The following SMARCC1 variants were observed in gnomAD, a reference collection of about 807,000 sequenced individuals.
SMARCC1 encodes the protein SWI/SNF related BAF chromatin remodeling complex subunit C1.
In SMARCC1, 43 loss-of-function variants were observed where a neutral mutation model predicts 147.4. The observed-to-expected ratio is 0.29, with a 90% confidence interval of 0.23 to 0.38. The LOEUF is 0.38. Among genes scored for constraint, SMARCC1 ranks in the 10% least tolerant of loss-of-function variants. The pLI, the probability that SMARCC1 is intolerant of heterozygous loss-of-function variation, is 1.00. For synonymous variants in SMARCC1, 495 were observed against 484.4 expected, an observed-to-expected ratio of 1.02 and a Z score of -0.29; for missense variants, 1,119 against 1,381.1, an observed-to-expected ratio of 0.81 and a Z score of 3.01.
chr3:47,635,935 G>A, intron 23 of SMARCC1, 87 bp downstream of exon 23: 1 of 689,552 alleles, frequency 1.5e-6, no homozygotes, highest in Non-Finnish European at 2.5e-6. Context: ...AAATAAATGA[G>A]GAAATATTTC....
At chr3:47,740,178 CTTTTTTTTTTTTTTT>C (rs34523367) in intron 3 of SMARCC1, among the ~76,000 whole-genome samples, 802 of 35,784 alleles carry the variant, frequency 0.022, 32 homozygotes, top group South Asian at 0.13. Context: ...GCCCGGCCAT[CTTTTTTTTTTTTTTT>C]TTTTTTTTTT....
chr3:47,778,217 C>T (rs796109558), intron 1 of SMARCC1, among the ~76,000 whole-genome samples: 1 of 127,938 alleles, frequency 7.8e-6, no homozygotes. Flanking sequence ...AAACAAAAAA[C>T]AAAAAAAACA....
chr3:47,640,253 T>C (rs879312077), intron 21 of SMARCC1, among the ~76,000 whole-genome samples: 9 of 150,082 alleles, frequency 6.0e-5, no homozygotes, highest in Admixed American at 2.0e-4. Context: ...AAAAAGAAAA[T>C]AGAAAAAAAA....
At chr3:47,657,635 C>G (rs1305019101) in intron 21 of SMARCC1, among the ~76,000 whole-genome samples, 10 of 152,086 alleles carry the variant, frequency 6.6e-5, no homozygotes, top group Non-Finnish European at 1.5e-5. Flanking sequence ...CCCATCTCTA[C>G]TTAAAAACAC....
chr3:47,780,168 GTTTTTTTTTTTT>G (rs10662354), intron 1 of SMARCC1, among the ~76,000 whole-genome samples: 1 of 61,882 alleles, frequency 1.6e-5, no homozygotes, highest in African/African-American at 6.6e-5. Flanking sequence ...GTTTTTTTTT[GTTTTTTTTTTTT>G]TTTTTTTTTT....
intron 19 of SMARCC1, chr3:47,664,036 C>T: frequency 3.2e-6 from 2 of 630,212 alleles, no homozygotes. Context: ...CTTTGAGAGG[C>T]CCATGCGTCG....
chr3:47,778,322 GTTTT>G (rs756676526), intron 1 of SMARCC1, among the ~76,000 whole-genome samples: 1 of 143,028 alleles, frequency 7.0e-6, no homozygotes, highest in Non-Finnish European at 1.5e-5. Flanking sequence ...GTTTCGTTTT[GTTTT>G]GAGACAAGGT....
chr3:47,623,229 C>T (rs1294556176), intron 24 of SMARCC1, among the ~76,000 whole-genome samples: 1 of 137,298 alleles, frequency 7.3e-6, no homozygotes, highest in Non-Finnish European at 1.5e-5. Flanking sequence ...CTCCTGGGCT[C>T]AAGTGATCCT....
In SMARCC1 at chr3:47,635,211, G is replaced by C; in HGVS notation, c.2625C>G (p.Ala875=). The change falls in exon 24 of 28, where the codon GCC becomes GCG. Residue 875 remains alanine, a synonymous_variant. Coordinates refer to ENST00000254480, the MANE Select transcript of SMARCC1 (RefSeq NM_003074.4). The part of the protein sequence containing the change: ...NVATAAAAAL[A]SAATKAKHLA... ...AAACCTTGGCTTTGGTAGCCGCTGAGGCAAGAGCAGCTGCTGCGGCTGTGG... is the reference window on the plus strand; with the variant it reads ...AAACCTTGGCTTTGGTAGCCGCTGACGCAAGAGCAGCTGCTGCGGCTGTGG... 1 of 1,613,754 alleles carries C rather than the reference G, an allele frequency of 6.2e-7. No individual in the cohort carries two copies. The highest frequency in any genetic ancestry group is 1.7e-5 in the Admixed American group (1 of 60,014).
At chr3:47,632,101 T>C (rs2032899720) in intron 24 of SMARCC1, among the ~76,000 whole-genome samples, 1 of 152,152 alleles carries the variant, frequency 6.6e-6, no homozygotes, top group African/African-American at 2.4e-5. Flanking sequence ...AAATTCTTCT[T>C]TGGACACCTT....
At chr3:47,755,532 G>C (rs946113383) in intron 2 of SMARCC1, among the ~76,000 whole-genome samples, 1 of 145,828 alleles carries the variant, frequency 6.9e-6, no homozygotes, top group African/African-American at 2.5e-5. Flanking sequence ...TAAATAAAAA[G>C]CGAATTTAAA....
intron 24 of SMARCC1, among the ~76,000 whole-genome samples, chr3:47,625,310 A>G (rs182522860): frequency 6.6e-6 from 1 of 151,662 alleles, no homozygotes; most frequent in East Asian, 1.9e-4. Context: ...TCTTTATTTT[A>G]TTTTTACAAT....
intron 2 of SMARCC1, among the ~76,000 whole-genome samples, chr3:47,751,099 G>A (rs1004848325): frequency 6.6e-6 from 1 of 151,746 alleles, no homozygotes; most frequent in African/African-American, 2.4e-5. Flanking sequence ...GGTTTCACCA[G>A]GTTGGCCAGG....
chr3:47,666,059 T>G (rs2033416610), intron 19 of SMARCC1, among the ~76,000 whole-genome samples: 1 of 152,200 alleles, frequency 6.6e-6, no homozygotes, highest in African/African-American at 2.4e-5. Flanking sequence ...TATTTTATTA[T>G]GTGTCATTAT....
chr3:47,753,073 C>G (rs943880512), intron 2 of SMARCC1, among the ~76,000 whole-genome samples: 1 of 152,150 alleles, frequency 6.6e-6, no homozygotes, highest in African/African-American at 2.4e-5. Flanking sequence ...AGGCCGGGCA[C>G]TACGGCTCAC....
chr3:47,755,540 A>T (rs936607339), intron 2 of SMARCC1, among the ~76,000 whole-genome samples: 7 of 142,576 alleles, frequency 4.9e-5, no homozygotes, highest in Admixed American at 3.5e-4. Flanking sequence ...AAGCGAATTT[A>T]AAAAAAAAAA....
chr3:47,617,891 T>C (rs1366415396), intron 25 of SMARCC1, among the ~76,000 whole-genome samples: 2 of 152,246 alleles, frequency 1.3e-5, no homozygotes, highest in Non-Finnish European at 2.9e-5. Flanking sequence ...ATGTGACTCG[T>C]ATGTTTACAT....
chr3:47,771,119 C>G (rs1171216815), intron 2 of SMARCC1, among the ~76,000 whole-genome samples: 2 of 152,124 alleles, frequency 1.3e-5, no homozygotes, highest in Non-Finnish European at 2.9e-5. Context: ...CCTTGTTAGA[C>G]AGGATGTTCT....
intron 24 of SMARCC1, among the ~76,000 whole-genome samples, chr3:47,633,779 T>TATACAC (rs1367543059): frequency 0.014 from 400 of 28,832 alleles, 32 homozygotes; most frequent in Admixed American, 0.067. Context: ...TATATATATA[T>TATACAC]ACACACACAC....
Sources: gnomAD v4.1 joint callset for allele counts (sites outside exome capture counted in the v4.1 genomes callset) on GRCh38, gnomAD v4.1.1 for gene constraint, MANE v1.5 for transcripts, NCBI Gene and HGNC (gene_info 2026-07-23, HGNC 2026-07-21) for gene names.